Variants in TBC1D22A observed in about 807,000 individuals in gnomAD.
The protein encoded by TBC1D22A is TBC1 domain family member 22A.
In TBC1D22A, 38 loss-of-function variants were observed where a neutral mutation model predicts 60.2. That is an observed-to-expected ratio of 0.63 (90% CI 0.49 to 0.83). The LOEUF (loss-of-function observed/expected upper bound fraction) is 0.83. Among genes scored for constraint, TBC1D22A ranks in the 40% least tolerant of loss-of-function variants. The pLI, the probability that TBC1D22A is intolerant of heterozygous loss-of-function variation, is 0.00. For missense variants in TBC1D22A, 628 were observed against 701.0 expected, an observed-to-expected ratio of 0.90 and a Z score of 1.18; for synonymous variants, 302 against 281.7, an observed-to-expected ratio of 1.07 and a Z score of -0.72.
intron 1 of TBC1D22A, among the ~76,000 whole-genome samples, chr22:46,769,082 A>G (rs2083395624): frequency 7.3e-6 from 1 of 136,250 alleles, no homozygotes; most frequent in Non-Finnish European, 1.5e-5. Context: ...CGACAGGGCA[A>G]GACTCTGTCT....
intron 11 of TBC1D22A, among the ~76,000 whole-genome samples, chr22:47,040,426 C>T (rs758713945): frequency 9.9e-5 from 15 of 152,114 alleles, no homozygotes; most frequent in Non-Finnish European, 1.8e-4. Flanking sequence ...CCAAACCCTG[C>T]GTCAGCAGTG....
In TBC1D22A at chr22:47,163,984, A is replaced by G. The variant is rs111895200; in HGVS notation, c.1426-9514A>G. Among the ~76,000 whole-genome samples the G allele has an allele frequency of 6.9e-3, 1,052 of 152,328 alleles. 16 individuals are homozygous for G. The highest frequency in any genetic ancestry group is 0.024 in the African/African-American group (1,005 of 41,576). ...ATGGCCGTACTTCTTTCCAGTGGCAACACCTCCAAGGCCCATGCTTTTCCT... is the reference window on the plus strand; with the variant it reads ...ATGGCCGTACTTCTTTCCAGTGGCAGCACCTCCAAGGCCCATGCTTTTCCT... On this transcript the variant is annotated intron_variant, in intron 12 of 12. Coordinates refer to ENST00000337137, the MANE Select transcript of TBC1D22A (RefSeq NM_014346.5).
chr22:46,974,371 G>C lies in TBC1D22A; in HGVS notation c.1097G>C (p.Cys366Ser), dbSNP rs764259105. Reference protein sequence around the residue: ...LCNIEADTYWCMSKLLDGIQD... With the variant: ...LCNIEADTYWSMSKLLDGIQD... Reference sequence around the variant, plus strand: ...AACATCGAGGCCGACACCTACTGGTGCATGAGCAAGCTGCTGGATGGCATT... The same window carrying C: ...AACATCGAGGCCGACACCTACTGGTCCATGAGCAAGCTGCTGGATGGCATT... The change falls in exon 9 of 13, where the codon TGC (cysteine) becomes TCC (serine). Residue 366 changes from cysteine to serine, a missense_variant. Coordinates refer to ENST00000337137, the MANE Select transcript of TBC1D22A (RefSeq NM_014346.5). 6.2e-7 allele frequency: 1 copy of C among 1,611,342 alleles called. No homozygotes were observed. Among genetic ancestry groups the C allele is most frequent in the South Asian group, 1.1e-5 (1 of 90,314 alleles).
At chr22:46,896,060 T>C (rs1249636468) in intron 7 of TBC1D22A, among the ~76,000 whole-genome samples, 2 of 152,212 alleles carry the variant, frequency 1.3e-5, no homozygotes, top group Non-Finnish European at 1.5e-5. Flanking sequence ...CTGTTTTTGT[T>C]GCTCTGGTGG....
intron 9 of TBC1D22A, among the ~76,000 whole-genome samples, chr22:46,996,982 C>T (rs1364613148): frequency 1.3e-5 from 2 of 152,232 alleles, no homozygotes; most frequent in African/African-American, 2.4e-5. Context: ...GCCAAGGTCA[C>T]ACAGCTCCTG....
At chr22:47,088,209 C>T (rs1240390692) in intron 11 of TBC1D22A, among the ~76,000 whole-genome samples, 2 of 152,084 alleles carry the variant, frequency 1.3e-5, no homozygotes, top group Non-Finnish European at 2.9e-5. Context: ...GTTATCAACC[C>T]CAGTGGAAAT....
At chr22:46,894,627 G>A (rs977248041) in intron 6 of TBC1D22A, among the ~76,000 whole-genome samples, 157 bp from the exon 7 acceptor site, 4 of 152,218 alleles carry the variant, frequency 2.6e-5, no homozygotes, top group African/African-American at 9.6e-5. Context: ...ACCTCCTTCA[G>A]GGGAGAAGGT....
chr22:46,954,441 T>C (rs978074123), intron 8 of TBC1D22A, among the ~76,000 whole-genome samples: 1 of 152,204 alleles, frequency 6.6e-6, no homozygotes, highest in African/African-American at 2.4e-5. Context: ...GATACGTTGA[T>C]TTCCTTGTTC....
intron 8 of TBC1D22A, among the ~76,000 whole-genome samples, chr22:46,918,852 A>G (rs1233240789): frequency 6.6e-6 from 1 of 152,184 alleles, no homozygotes; most frequent in Admixed American, 6.5e-5. Flanking sequence ...GAAAGTTTCA[A>G]ACACAAAGTC....
chr22:46,968,944 C>G lies in TBC1D22A; in HGVS notation c.1016-5346C>G, dbSNP rs559775862. 2.6e-3 allele frequency among the ~76,000 whole-genome samples: 398 copies of G among 152,324 alleles called. 1 individual carries two copies. The highest frequency in any genetic ancestry group is 4.5e-3 in the Non-Finnish European group (305 of 68,032). On this transcript the variant is annotated intron_variant, in intron 8 of 12. Coordinates refer to ENST00000337137, the MANE Select transcript of TBC1D22A (RefSeq NM_014346.5). ...CCGTCTACCCATATCCATCTGTCCA[C>G]TCGTCCATCTCTCCATCCACGTGGA...
chr22:46,800,018 A>C (rs970459479), intron 4 of TBC1D22A, among the ~76,000 whole-genome samples: 4 of 152,032 alleles, frequency 2.6e-5, no homozygotes, highest in Admixed American at 1.3e-4. Flanking sequence ...GTCCCCTTGC[A>C]CGGCAAGGCA....
intron 8 of TBC1D22A, among the ~76,000 whole-genome samples, chr22:46,973,541 AT>A (rs1714270515): frequency 6.6e-6 from 1 of 152,278 alleles, no homozygotes; most frequent in African/African-American, 2.4e-5. Context: ...CCTTGCGAAG[AT>A]GCCATGCAAA....
intron 12 of TBC1D22A, among the ~76,000 whole-genome samples, chr22:47,118,739 G>A (rs573411828): frequency 5.0e-4 from 76 of 152,236 alleles, no homozygotes; most frequent in Admixed American, 7.8e-4. Flanking sequence ...AAGGAGGACC[G>A]AGATAGATGG....
chr22:47,039,106 TG>T (rs1215063554), intron 11 of TBC1D22A, among the ~76,000 whole-genome samples: 10 of 152,136 alleles, frequency 6.6e-5, no homozygotes, highest in Non-Finnish European at 1.3e-4. Flanking sequence ...AGCCAGAAAA[TG>T]GATCGGCTTG....
At chr22:47,016,316 C>T (rs1437079457) in intron 10 of TBC1D22A, among the ~76,000 whole-genome samples, 1 of 152,180 alleles carries the variant, frequency 6.6e-6, no homozygotes, top group Non-Finnish European at 1.5e-5. Context: ...GTGCCATCAT[C>T]CTGGCGGGCA....
chr22:47,105,119 A>G (rs2065585426), intron 11 of TBC1D22A, among the ~76,000 whole-genome samples: 1 of 151,918 alleles, frequency 6.6e-6, no homozygotes, highest in Non-Finnish European at 1.5e-5. Flanking sequence ...CTCTTTAAAT[A>G]TTTTACAGAG....
At chr22:46,966,168 G>A (rs1029291837) in intron 8 of TBC1D22A, among the ~76,000 whole-genome samples, 4 of 152,218 alleles carry the variant, frequency 2.6e-5, no homozygotes, top group South Asian at 2.1e-4. Context: ...CATCACCTGC[G>A]CTCTATCCGA....
rs949829656 is a variant in TBC1D22A, at chr22:47,009,478, A to G, written c.1201+11769A>G. 1.1e-5 allele frequency among the ~76,000 whole-genome samples: 1 copy of G among 87,362 alleles called. No homozygotes were observed. The highest frequency in any genetic ancestry group is 2.8e-5 in the Non-Finnish European group (1 of 35,982). The allele number at this position is 87,362 out of a possible 152,430, so 57.3% of individuals were successfully genotyped here. ...TTCTGTCATCACCATCGTCATCACTATCACCATCATTTCATCACCATCATC... is the reference window on the plus strand; with the variant it reads ...TTCTGTCATCACCATCGTCATCACTGTCACCATCATTTCATCACCATCATC... On this transcript the variant is annotated intron_variant, in intron 10 of 12. Coordinates refer to ENST00000337137, the MANE Select transcript of TBC1D22A (RefSeq NM_014346.5). This position sits in a 1 kb window ranked among gnomAD's most constrained non-coding sequence, Gnocchi z 5.8.
intron 12 of TBC1D22A, among the ~76,000 whole-genome samples, chr22:47,134,282 G>A (rs114270705): frequency 1.4e-4 from 22 of 152,304 alleles, no homozygotes; most frequent in Admixed American, 3.3e-4. Flanking sequence ...TTACATCCTG[G>A]GTCTTATTAA....
Sources: gnomAD v4.1 joint callset for allele counts (sites outside exome capture counted in the v4.1 genomes callset) on GRCh38, gnomAD v4.1.1 for gene constraint, Gnocchi (gnomAD v3.1) non-coding constraint, MANE v1.5 for transcripts, NCBI Gene and HGNC (gene_info 2026-07-23, HGNC 2026-07-21) for gene names.